The following CNTNAP5 variants were observed in gnomAD, a reference collection of about 807,000 sequenced individuals.
CNTNAP5 encodes contactin-associated protein-like 5.
Under a neutral mutation model 150.2 loss-of-function variants are expected in CNTNAP5, and 72 were observed. The observed-to-expected ratio is 0.48, with a 90% CI of 0.40 to 0.58. The LOEUF (loss-of-function observed/expected upper bound fraction) is 0.58, where lower values mean the gene tolerates loss of function less well. CNTNAP5 is among the 20% of genes least tolerant of loss of function. The pLI, the probability that CNTNAP5 is intolerant of heterozygous loss-of-function variation, is 0.00. For synonymous variants in CNTNAP5, 672 were observed against 619.8 expected, an observed-to-expected ratio of 1.08 and a Z score of -1.25; for missense variants, 1,636 against 1,626.2, an observed-to-expected ratio of 1.01 and a Z score of -0.10.
At chr2:124,724,923 C>CT (rs71387242) in intron 13 of CNTNAP5, among the ~76,000 whole-genome samples, 1,928 of 111,492 alleles carry the variant, frequency 0.017, 38 homozygotes, top group African/African-American at 0.04. Flanking sequence ...ATTCCCTTAG[C>CT]TTTTTTTTTT....
rs112295188 is a variant in CNTNAP5 at position 124,406,795 on chromosome 2, A to G, written c.382-10648A>G. On this transcript the variant is annotated intron_variant, in intron 3 of 23. Coordinates refer to ENST00000682447, the MANE Select transcript of CNTNAP5 (RefSeq NM_001367498.1). ...ACTGTGCTATTAAACATTAGAACAT[A>G]TTTCTTCTATCTAACTACATGTTTG... is the stretch of plus-strand genomic sequence containing the variant. Among the ~76,000 whole-genome samples the G allele has an allele frequency of 1.6e-3, 244 of 152,266 alleles. 2 individuals are homozygous for G. The highest frequency in any genetic ancestry group is 5.5e-3 in the African/African-American group (229 of 41,564).
chr2:124,457,468 A>G (rs1693148174), intron 6 of CNTNAP5, among the ~76,000 whole-genome samples: 1 of 152,208 alleles, frequency 6.6e-6, no homozygotes, highest in African/African-American at 2.4e-5. Flanking sequence ...GCAAGAAAAA[A>G]AAGAAAACAT....
intron 6 of CNTNAP5, among the ~76,000 whole-genome samples, chr2:124,466,751 A>G (rs1367608476): frequency 6.6e-6 from 1 of 152,196 alleles, no homozygotes; most frequent in Middle Eastern, 3.2e-3. Flanking sequence ...ACCTAATGGA[A>G]GCAGGATTTC....
intron 19 of CNTNAP5, among the ~76,000 whole-genome samples, chr2:124,816,069 G>A (rs926211454): frequency 1.7e-4 from 26 of 152,186 alleles, no homozygotes; most frequent in Admixed American, 3.9e-4. Context: ...GTGTCTTACC[G>A]TTAGCAATAT....
At chr2:124,760,316 G>A (rs908692061) in intron 14 of CNTNAP5, among the ~76,000 whole-genome samples, 13 of 151,864 alleles carry the variant, frequency 8.6e-5, no homozygotes, top group African/African-American at 2.9e-4. Context: ...ACACAAAAGA[G>A]GGGAAAAAAA....
chr2:124,328,995 A>G (rs1476834400), intron 3 of CNTNAP5, among the ~76,000 whole-genome samples: 1 of 152,204 alleles, frequency 6.6e-6, no homozygotes, highest in Non-Finnish European at 1.5e-5. Context: ...TGAAGCTTAA[A>G]TAGGACTTCG....
At chr2:124,550,390 T>C (rs1364849749) in intron 10 of CNTNAP5, among the ~76,000 whole-genome samples, 1 of 152,092 alleles carries the variant, frequency 6.6e-6, no homozygotes, top group Non-Finnish European at 1.5e-5. Flanking sequence ...TGTATCAGGG[T>C]CTTCATTTTA....
At chr2:124,510,155 C>T (rs1163719893) in intron 8 of CNTNAP5, among the ~76,000 whole-genome samples, 2 of 151,296 alleles carry the variant, frequency 1.3e-5, no homozygotes, top group Admixed American at 6.6e-5. Context: ...CTGCAGTGAG[C>T]CAAGATCCTG....
intron 6 of CNTNAP5, among the ~76,000 whole-genome samples, chr2:124,474,519 G>T (rs1447869311): frequency 6.6e-6 from 1 of 151,996 alleles, no homozygotes; most frequent in Non-Finnish European, 1.5e-5. Flanking sequence ...AAGTGAAAAT[G>T]GTTGTGTAAA....
chr2:124,206,402 A>T (rs1685862963), intron 1 of CNTNAP5, among the ~76,000 whole-genome samples: 1 of 152,098 alleles, frequency 6.6e-6, no homozygotes, highest in African/African-American at 2.4e-5. Flanking sequence ...ACATTTTGTG[A>T]TGCAAAGGGA....
In CNTNAP5 at chr2:124,070,396, GAAAAAAAAAAAA is replaced by G. The variant is rs70996039; in HGVS notation, c.82+44676_82+44687del. On this transcript the variant is annotated intron_variant, in intron 1 of 23. Transcript: ENST00000682447. ...AAGAGAAACAGAGTGGCTGAATGGG[GAAAAAAAAAAAA>G]AAAAAAAAAAAGCAAGACCCAAGTG... Among the ~76,000 whole-genome samples, 5 of 72,960 alleles carry G rather than the reference GAAAAAAAAAAAA, an allele frequency of 6.9e-5. No individual in the cohort carries two copies. In the South Asian group the frequency reaches 2.7e-3, roughly 40 times the overall value. The allele number at this position is 72,960 out of a possible 152,430, so 47.9% of individuals were successfully genotyped here. A position where few individuals can be genotyped will look rare whatever the true frequency, so the allele number is the denominator to read the frequency against.
chr2:124,180,396 A>G (rs1685181495), intron 1 of CNTNAP5, among the ~76,000 whole-genome samples: 3 of 152,178 alleles, frequency 2.0e-5, no homozygotes, highest in African/African-American at 7.2e-5. Flanking sequence ...ATCAAAGTTA[A>G]TATTTTATCA....
intron 1 of CNTNAP5, among the ~76,000 whole-genome samples, chr2:124,168,310 C>T (rs1036740955): frequency 2.6e-5 from 4 of 152,220 alleles, no homozygotes; most frequent in East Asian, 3.9e-4. Context: ...TCTGCCCGGA[C>T]GTTGGACTGT....
At chr2:124,042,591 A>C (rs1015737369) in intron 1 of CNTNAP5, among the ~76,000 whole-genome samples, 1 of 152,124 alleles carries the variant, frequency 6.6e-6, no homozygotes, top group Non-Finnish European at 1.5e-5. Context: ...ATTTTATACC[A>C]GTTTTAGGTT....
At chr2:124,229,851 T>G (rs1435838177) in intron 2 of CNTNAP5, among the ~76,000 whole-genome samples, 1 of 151,872 alleles carries the variant, frequency 6.6e-6, no homozygotes, top group African/African-American at 2.4e-5. Context: ...GAAATAGACA[T>G]CTTTGGCCCC....
chr2:124,418,203 G>A (rs537442830), intron 4 of CNTNAP5, among the ~76,000 whole-genome samples: 7 of 152,218 alleles, frequency 4.6e-5, no homozygotes, highest in South Asian at 2.1e-4. Context: ...TTTCCTGCGC[G>A]CTTTATACTG....
chr2:124,199,835 C>G (rs2104707549), intron 1 of CNTNAP5, among the ~76,000 whole-genome samples: 1 of 152,306 alleles, frequency 6.6e-6, no homozygotes, highest in Non-Finnish European at 1.5e-5. Flanking sequence ...TGCATAGTAA[C>G]TTGATAAACA....
intron 13 of CNTNAP5, among the ~76,000 whole-genome samples, chr2:124,648,722 G>T (rs1322010084): frequency 6.6e-6 from 1 of 152,128 alleles, no homozygotes; most frequent in East Asian, 1.9e-4. Context: ...ATGTAAGATA[G>T]GGTTCATCAA....
At chr2:124,237,386 C>T (rs890740754) in intron 2 of CNTNAP5, among the ~76,000 whole-genome samples, 1 of 152,130 alleles carries the variant, frequency 6.6e-6, no homozygotes, top group African/African-American at 2.4e-5. Flanking sequence ...GGAATTTCTG[C>T]ATTTTCTACT....
Sources: gnomAD v4.1 joint callset for allele counts (sites outside exome capture counted in the v4.1 genomes callset) on GRCh38, gnomAD v4.1.1 for gene constraint, MANE v1.5 for transcripts, NCBI Gene and HGNC (gene_info 2026-07-23, HGNC 2026-07-21) for gene names.